Variants in PSME4 observed in about 807,000 individuals in gnomAD.
The protein encoded by PSME4 is proteasome activator subunit 4.
Under a neutral mutation model 253.9 loss-of-function variants are expected in PSME4, and 89 were observed. That is an observed-to-expected ratio of 0.35 (90% CI 0.30 to 0.42). The LOEUF (loss-of-function observed/expected upper bound fraction) is 0.42. Ranked by LOEUF, PSME4 falls within the 10% of genes least tolerant of loss-of-function variation. PSME4 has a pLI of 1.00. For missense variants in PSME4, 2,014 were observed against 2,195.2 expected (o/e 0.92, Z 1.65); for synonymous variants, 851 against 759.2 (o/e 1.12, Z -1.99).
At chr2:53,958,075 A>G (rs983942795) in intron 1 of PSME4, among the ~76,000 whole-genome samples, 4 of 151,558 alleles carry the variant, frequency 2.6e-5, no homozygotes, top group African/African-American at 9.7e-5. Flanking sequence ...AGTCCCAGCT[A>G]CTCAGGAGGC....
chr2:53,908,066 T>C (rs1051553226), intron 24 of PSME4: 2 of 418,682 alleles, frequency 4.8e-6, no homozygotes, highest in Non-Finnish European at 8.5e-6. Context: ...GTAGTCTCAA[T>C]GCTATTGTCC....
chr2:53,883,966 T>A (rs1484452739), intron 41 of PSME4, among the ~76,000 whole-genome samples: 2 of 152,182 alleles, frequency 1.3e-5, no homozygotes, highest in African/African-American at 4.8e-5. Flanking sequence ...GGAAAGGGAA[T>A]TTCTGACCGC....
At chr2:53,919,003 T>C (rs977644870) in intron 20 of PSME4, 148 bp downstream of exon 20, 24 of 684,446 alleles carry the variant, frequency 3.5e-5, no homozygotes, top group East Asian at 9.4e-5. Context: ...ATCTAAATTG[T>C]ACCTCTGGTA....
intron 41 of PSME4, among the ~76,000 whole-genome samples, chr2:53,880,254 G>A (rs547097904): frequency 7.9e-5 from 12 of 152,210 alleles, no homozygotes; most frequent in African/African-American, 2.9e-4. Context: ...CCAGGAGTTT[G>A]AGAGCAGCCT....
At chr2:53,947,443 C>T (rs1439488805) in intron 3 of PSME4, among the ~76,000 whole-genome samples, 2 of 151,988 alleles carry the variant, frequency 1.3e-5, no homozygotes, top group African/African-American at 4.8e-5. Flanking sequence ...TGGTGGCTCA[C>T]GCCTGTAATC....
At position 53,918,097 on chromosome 2, in the gene PSME4, A is replaced by T. The variant is rs545431716; in HGVS notation, c.2516+1054T>A. Among the ~76,000 whole-genome samples the T allele has an allele frequency of 5.3e-5, 8 of 152,350 alleles. No individual in the cohort carries two copies. In the South Asian group the frequency reaches 1.7e-3, roughly 32 times the overall value. On this transcript the variant is annotated intron_variant, in intron 20 of 46. Coordinates refer to ENST00000404125, the MANE Select transcript of PSME4 (RefSeq NM_014614.3). ...TACACAAAGTATGGGAAAGACATGT[A>T]GCCACATTTTGAAACCACTTCTTGA...
At chr2:53,928,747 G>C (rs1445347081) in intron 10 of PSME4, among the ~76,000 whole-genome samples, 3 of 152,180 alleles carry the variant, frequency 2.0e-5, no homozygotes, top group Non-Finnish European at 4.4e-5. Context: ...TCCCTCACCA[G>C]TAAGGGGAGA....
intron 3 of PSME4, 135 bp downstream of exon 3, chr2:53,948,286 G>T: frequency 1.5e-6 from 1 of 670,104 alleles, no homozygotes; most frequent in Non-Finnish European, 2.7e-6. Flanking sequence ...TGTTTCAGGA[G>T]TCAAATTACA....
At chr2:53,962,976 C>G (rs2104489872) in intron 1 of PSME4, among the ~76,000 whole-genome samples, 1 of 150,822 alleles carries the variant, frequency 6.6e-6, no homozygotes, top group Admixed American at 6.6e-5. Flanking sequence ...CGCCACTGCA[C>G]TCCAGCCTGG....
intron 29 of PSME4, among the ~76,000 whole-genome samples, chr2:53,899,568 A>G (rs979854833): frequency 2.0e-5 from 3 of 151,964 alleles, no homozygotes; most frequent in Admixed American, 2.0e-4. Context: ...CTGTAATCCC[A>G]GCACTTTGGG....
At chr2:53,935,963 G>A in intron 7 of PSME4, 124 bp downstream of exon 7, 3 of 1,279,708 alleles carry the variant, frequency 2.3e-6, no homozygotes, top group Non-Finnish European at 3.1e-6. Flanking sequence ...CTGCAATCTT[G>A]GCTCACTGCA....
At chr2:53,965,586 A>G (rs147677838) in intron 1 of PSME4, among the ~76,000 whole-genome samples, 6 of 151,636 alleles carry the variant, frequency 4.0e-5, no homozygotes, top group African/African-American at 1.5e-4. Flanking sequence ...CTATCAAGGA[A>G]GTATTTTTTT....
Position 53,923,326 on chromosome 2 carries a change from C to T in PSME4, c.1903G>A (p.Val635Ile). 6.3e-7 allele frequency: 1 copy of T among 1,599,806 alleles called. No individual in the cohort carries two copies. The highest frequency in any genetic ancestry group is 8.5e-7 in the Non-Finnish European group (1 of 1,176,238). Residue 635 changes from valine to isoleucine, a missense_variant, in exon 15 of 47, where the codon GTA (valine) becomes ATA (isoleucine). By Grantham distance (29) the Val-to-Ile change is conservative. Transcript: ENST00000404125. The stretch of plus-strand genomic sequence containing the variant: ...GTTCAAAAAAATAAACTCACCTTTA[C>T]AGCAGCGCGGCACATGTCTGCCACC... Reference protein sequence around the residue: ...RMVADMCRAAVKCCPEESLKL... With the variant: ...RMVADMCRAAIKCCPEESLKL...
chr2:53,949,307 C>T, intron 1 of PSME4, 24 bp from the exon 2 acceptor site: 1 of 1,464,840 alleles, frequency 6.8e-7, no homozygotes, highest in East Asian at 2.4e-5. Flanking sequence ...ATAGATATAC[C>T]CTTTAAAAAT....
intron 14 of PSME4, 68 bp from the exon 15 acceptor site, chr2:53,923,487 G>T (rs1171215920): frequency 2.7e-6 from 4 of 1,457,370 alleles, no homozygotes; most frequent in South Asian, 3.0e-5. Context: ...GAACATAAAA[G>T]AAAATGATAA....
At chr2:53,955,015 A>T (rs1670167956) in intron 1 of PSME4, among the ~76,000 whole-genome samples, 1 of 150,980 alleles carries the variant, frequency 6.6e-6, no homozygotes. Context: ...CCGTCTCTAT[A>T]AAAAAAATCG....
intron 3 of PSME4, among the ~76,000 whole-genome samples, chr2:53,940,952 C>CAT (rs1169212491): frequency 1.5e-3 from 36 of 24,010 alleles, no homozygotes; most frequent in Admixed American, 3.8e-3. Context: ...TATATATATA[C>CAT]ATATATATAT....
At chr2:53,898,499 A>G in intron 29 of PSME4, 145 bp from the exon 30 acceptor site, 1 of 605,312 alleles carries the variant, frequency 1.7e-6, no homozygotes, top group Non-Finnish European at 2.9e-6. Context: ...ATGAGAAGCA[A>G]GCCAGAATGA....
At chr2:53,937,075 T>C (rs1284819081) in intron 5 of PSME4, among the ~76,000 whole-genome samples, 1 of 152,212 alleles carries the variant, frequency 6.6e-6, no homozygotes, top group African/African-American at 2.4e-5. Context: ...CTGTCCATTC[T>C]TATTTAACAA....
Sources: allele counts gnomAD v4.1 joint callset (sites outside exome capture counted in the v4.1 genomes callset), GRCh38; gene constraint gnomAD v4.1.1; transcripts MANE v1.5; gene names NCBI Gene and HGNC (gene_info 2026-07-23, HGNC 2026-07-21).